The following TJP1 variants were observed in gnomAD, a reference collection of about 807,000 sequenced individuals.
TJP1 encodes the protein tight junction protein 1.
A neutral mutation model predicts 194.2 loss-of-function variants in TJP1; 43 were observed. The ratio of observed to expected loss-of-function variants is 0.22; its 90% CI spans 0.17 to 0.29. The LOEUF is 0.29. Among genes scored for constraint, TJP1 ranks in the 10% least tolerant of loss-of-function variants. TJP1 has a pLI of 1.00. For synonymous variants in TJP1, 801 were observed against 779.0 expected, an observed-to-expected ratio of 1.03 and a Z score of -0.47; for missense variants, 1,971 against 2,185.7, an observed-to-expected ratio of 0.90 and a Z score of 1.96.
intron 10 of TJP1, among the ~76,000 whole-genome samples, chr15:29,738,865 T>TTAA (rs370895850): frequency 2.9e-4 from 14 of 48,866 alleles, no homozygotes; most frequent in Middle Eastern, 0.02. Context: ...CTGTCACTAC[T>TTAA]AAAAAAAAAA....
chr15:29,882,634 T>C (rs2052977285), intron 2 of TJP1, among the ~76,000 whole-genome samples: 1 of 152,190 alleles, frequency 6.6e-6, no homozygotes, highest in Non-Finnish European at 1.5e-5. Flanking sequence ...TTAAATGTGT[T>C]GGGCAAATGA....
intron 2 of TJP1, among the ~76,000 whole-genome samples, chr15:29,874,495 C>A (rs918775134): frequency 2.0e-5 from 3 of 152,070 alleles, no homozygotes; most frequent in African/African-American, 7.2e-5. Context: ...CAGTCAGAGA[C>A]AATACCCCGG....
intron 1 of TJP1, among the ~76,000 whole-genome samples, chr15:29,811,454 G>A (rs1277945890): frequency 3.3e-5 from 5 of 151,634 alleles, no homozygotes; most frequent in African/African-American, 7.3e-5. Context: ...GTGGGAGGGA[G>A]AATGTAAATG....
intron 2 of TJP1, among the ~76,000 whole-genome samples, chr15:29,928,615 T>C (rs1315280687): frequency 6.6e-6 from 1 of 151,830 alleles, no homozygotes; most frequent in African/African-American, 2.4e-5. Flanking sequence ...GAAGGAAAAA[T>C]AGATAATCTT....
intron 2 of TJP1, among the ~76,000 whole-genome samples, chr15:29,799,694 C>T (rs540278127): frequency 6.7e-4 from 102 of 152,204 alleles, no homozygotes; most frequent in Non-Finnish European, 1.3e-3. Context: ...GGATTACAGG[C>T]GTGAGCCACC....
intron 23 of TJP1, among the ~76,000 whole-genome samples, chr15:29,714,050 T>C (rs2042399985): frequency 6.6e-6 from 1 of 152,208 alleles, no homozygotes; most frequent in Non-Finnish European, 1.5e-5. Flanking sequence ...TAGTATACCA[T>C]GCCCTGTTTT....
At chr15:29,900,388 C>T (rs1454069897) in intron 2 of TJP1, among the ~76,000 whole-genome samples, 1 of 152,188 alleles carries the variant, frequency 6.6e-6, no homozygotes, top group Admixed American at 6.5e-5. Flanking sequence ...CCTTCTGGTT[C>T]TCTGAGGGGT....
In TJP1 at chr15:29,718,471, G is replaced by A. The variant is rs770393568; in HGVS notation, c.3671C>T (p.Pro1224Leu). 6.2e-6 allele frequency: 10 copies of A among 1,614,072 alleles called. No individual in the cohort carries two copies. In the African/African-American group the frequency reaches 1.3e-4, roughly 22 times the overall value. ...ATGCTGAGATGAAGGTATCAGCGGAGGGACAGCTGCAGCACCATGGAGAGG... is the reference window on the plus strand; with the variant it reads ...ATGCTGAGATGAAGGTATCAGCGGAAGGACAGCTGCAGCACCATGGAGAGG... ...FEPLHGAAAV[P>L]PLIPSSQHKP... The change falls in exon 21 of 28, where the codon CCT (proline) becomes CTT (leucine). Residue 1224 changes from proline (P) to leucine (L), a missense_variant. Transcript: ENST00000614355.
intron 26 of TJP1, 21 bp downstream of exon 26, chr15:29,705,507 G>A: frequency 6.2e-7 from 1 of 1,612,526 alleles, no homozygotes; most frequent in Non-Finnish European, 8.5e-7. Context: ...CAAAACTAAG[G>A]AGAAAAATAA....
chr15:29,766,391 C>G lies in TJP1; in HGVS notation c.464G>C (p.Trp155Ser). ...TCTACTTGCACTTCTATCCCTCGGC[C>G]AAATCTTCTCACTCCTTCTGTTAAC... ...GVVNRRSEKIWPRDRSASRER... is the reference protein window; with the variant it reads ...GVVNRRSEKISPRDRSASRER... The change falls in exon 5 of 28, where the codon TGG becomes TCG. Residue 155 changes from tryptophan to serine, a missense_variant. Around this residue, in one of 5 missense-constraint regions of TJP1, gnomAD observed 245 missense variants for 336.6 expected, o/e 0.73. Transcript: ENST00000614355. 6 of 1,614,156 alleles carry G rather than the reference C, an allele frequency of 3.7e-6. No individual in the cohort carries two copies. Among genetic ancestry groups the G allele is most frequent in the Non-Finnish European group, 4.2e-6 (5 of 1,180,028 alleles).
rs1017897956 is a variant in TJP1, at chr15:29,744,884, T to C, written c.1011-2103A>G. Among the ~76,000 whole-genome samples, 39 of 152,264 alleles carry C rather than the reference T, an allele frequency of 2.6e-4. 1 individual carries two copies. Among genetic ancestry groups the C allele is most frequent in the Admixed American group, 1.6e-3 (25 of 15,290 alleles). Reference sequence around the variant, plus strand: ...AGAGAAAATAATATATTTTTCATTATGAATGGAGGAAAAAATTCTAAATAA... The same window carrying C: ...AGAGAAAATAATATATTTTTCATTACGAATGGAGGAAAAAATTCTAAATAA... On this transcript the variant is annotated intron_variant, in intron 8 of 27. Coordinates refer to ENST00000614355, the MANE Select transcript of TJP1 (RefSeq NM_001330239.4).
intron 2 of TJP1, among the ~76,000 whole-genome samples, chr15:29,919,881 G>A (rs1442833834): frequency 2.2e-5 from 2 of 89,850 alleles, no homozygotes; most frequent in Non-Finnish European, 4.3e-5. Flanking sequence ...TATTGGGCCA[G>A]TCCTCTTTCC....
chr15:29,968,859 C>A (rs776342828), exon 1 of TJP1: 2 of 590,390 alleles, frequency 3.4e-6, no homozygotes, highest in East Asian at 2.8e-4. Flanking sequence ...CTGGGCCATC[C>A]GCCGCCACCA....
chr15:29,752,249 C>T (rs1298682354), intron 8 of TJP1, among the ~76,000 whole-genome samples: 1 of 152,016 alleles, frequency 6.6e-6, no homozygotes, highest in Non-Finnish European at 1.5e-5. Flanking sequence ...ATTATAGGCA[C>T]ACGCCACCAC....
intron 26 of TJP1, 73 bp downstream of exon 26, chr15:29,705,455 A>C: frequency 6.9e-7 from 1 of 1,446,418 alleles, no homozygotes; most frequent in East Asian, 2.4e-5. Context: ...TTAGCCAAGC[A>C]CTATAAGCTC....
In TJP1 at chr15:29,829,637, G is replaced by GA. The variant is rs5811584; in HGVS notation, c.307-28936dup. On this transcript the variant is annotated intron_variant, in intron 2 of 28. Transcript: ENST00000356107. ...GCCAAATTCATTGCCTTAAAAAAAAGAAAAAAAAAAAAAAAGATTTCTTAA... is the reference window on the plus strand; with the variant it reads ...GCCAAATTCATTGCCTTAAAAAAAAGAAAAAAAAAAAAAAAAGATTTCTTAA... Among the ~76,000 whole-genome samples the GA allele has an allele frequency of 3.3e-3, 456 of 138,194 alleles. 2 individuals carry two copies. The highest frequency in any genetic ancestry group is 0.012 in the African/African-American group (439 of 37,550). The allele number at this position is 138,194 out of a possible 152,430, so 90.7% of individuals were successfully genotyped here.
At chr15:29,792,593 A>T (rs1010671829) in intron 2 of TJP1, among the ~76,000 whole-genome samples, 15 of 152,218 alleles carry the variant, frequency 9.9e-5, no homozygotes, top group African/African-American at 3.6e-4. Context: ...GGTTCCACAA[A>T]AATTTTAGGA....
At chr15:29,803,830 G>C (rs1259050781) in intron 1 of TJP1, among the ~76,000 whole-genome samples, 1 of 151,734 alleles carries the variant, frequency 6.6e-6, no homozygotes, top group African/African-American at 2.4e-5. Flanking sequence ...TTTTTCTTTG[G>C]AGGACTGGAA....
In TJP1 at chr15:29,766,134, T is replaced by C. The variant is rs894279666; in HGVS notation, c.589+132A>G. On this transcript the variant is annotated intron_variant, in intron 5 of 27. Coordinates refer to ENST00000614355, the MANE Select transcript of TJP1 (RefSeq NM_001330239.4). ...TCCCTGAAGCCTGCCATAACAGGAT[T>C]TGACTTACAGTGATAGAACACAAAC... 4.1e-6 allele frequency: 5 copies of C among 1,229,482 alleles called. No individual in the cohort carries two copies. The African/African-American group carries it at 4.5e-5, about 11-fold the overall frequency. The allele number at this position is 1,229,482 out of a possible 1,614,324, so 76.2% of individuals were successfully genotyped here. A position where few individuals can be genotyped will look rare whatever the true frequency, so the allele number is the denominator to read the frequency against.
Sources: gnomAD v4.1 joint callset for allele counts (sites outside exome capture counted in the v4.1 genomes callset) on GRCh38, gnomAD v4.1.1 for gene constraint, gnomAD v4.1.1 regional missense constraint, MANE v1.5 for transcripts, NCBI Gene and HGNC (gene_info 2026-07-23, HGNC 2026-07-21) for gene names.